The following DAPK1 variants were observed in gnomAD, a reference collection of about 807,000 sequenced individuals.
DAPK1 encodes death associated protein kinase 1, also known as death-associated protein kinase 1.
A neutral mutation model predicts 144.9 loss-of-function variants in DAPK1; 56 were observed. The observed-to-expected ratio is 0.39, with a 90% CI of 0.31 to 0.48. DAPK1 has a LOEUF of 0.48. Among genes scored for constraint, DAPK1 ranks in the 20% least tolerant of loss-of-function variants. The pLI is 0.95. For missense variants in DAPK1, 1,454 were observed against 1,875.4 expected (o/e 0.78, Z 4.15); for synonymous variants, 690 against 749.0 (o/e 0.92, Z 1.29).
chr9:87,585,783 CT>C (rs1237968660), intron 2 of DAPK1, among the ~76,000 whole-genome samples: 2 of 152,200 alleles, frequency 1.3e-5, no homozygotes, highest in Non-Finnish European at 2.9e-5. Context: ...CCATCGAGCA[CT>C]TGAAGTAGGG....
intron 2 of DAPK1, among the ~76,000 whole-genome samples, chr9:87,531,259 G>A (rs1190540737): frequency 6.6e-6 from 1 of 152,140 alleles, no homozygotes; most frequent in Non-Finnish European, 1.5e-5. Flanking sequence ...ATCCATACCC[G>A]ATGTTCACTG....
chr9:87,640,189 T>A (rs977574929), intron 7 of DAPK1, 109 bp from the exon 8 acceptor site: 42 of 1,114,846 alleles, frequency 3.8e-5, no homozygotes, highest in Non-Finnish European at 5.3e-5. Flanking sequence ...ACTGTGACTA[T>A]TCGAGCACCA....
At chr9:87,577,281 ACT>A (rs1434168153) in intron 2 of DAPK1, among the ~76,000 whole-genome samples, 1 of 151,974 alleles carries the variant, frequency 6.6e-6, no homozygotes, top group African/African-American at 2.4e-5. Context: ...GGAATTGGAA[ACT>A]CGGGGTGGGG....
At chr9:87,678,031 A>G (rs765206849) in intron 19 of DAPK1, among the ~76,000 whole-genome samples, 1 of 152,184 alleles carries the variant, frequency 6.6e-6, no homozygotes, top group Non-Finnish European at 1.5e-5. Context: ...AGTCAGGGAC[A>G]TTGCTATCAA....
In DAPK1 at chr9:87,559,090, C is replaced by T. The variant is rs958563457; in HGVS notation, c.63-45864C>T. ...CCCCAACAAAATGACAGTTGGCATT[C>T]GTAGAGCCTGTACTCTGAGACGGGG... On this transcript the variant is annotated intron_variant, in intron 2 of 25. Transcript: ENST00000408954. Among the ~76,000 whole-genome samples the T allele has an allele frequency of 5.3e-5, 8 of 152,182 alleles. 1 individual carries two copies. The highest frequency in any genetic ancestry group is 2.6e-4 in the Admixed American group (4 of 15,276).
chr9:87,690,973 T>A (rs1825034907), intron 21 of DAPK1, among the ~76,000 whole-genome samples: 2 of 152,084 alleles, frequency 1.3e-5, no homozygotes, highest in Admixed American at 1.3e-4. Context: ...CCTATAATGA[T>A]GATGATGTTG....
chr9:87,645,767 TG>T, intron 11 of DAPK1, 127 bp from the exon 12 acceptor site: 1 of 1,198,016 alleles, frequency 8.3e-7, no homozygotes. Flanking sequence ...TGTATGGATT[TG>T]GGGAGTAAAT....
rs745575126 is a variant in DAPK1, at chr9:87,698,735, G to A, written c.2691G>A (p.Pro897=). The A allele has an allele frequency of 5.0e-6, 8 of 1,603,240 alleles. No homozygotes were observed. The highest frequency in any genetic ancestry group is 4.0e-5 in the African/African-American group (3 of 74,730). The change falls in exon 23 of 26, where the codon CCG becomes CCA. Residue 897 remains proline (P), a synonymous_variant. Transcript: ENST00000408954. ...CTGACATCATGAATGTTCCTCGACC[G>A]GCTGGAGGCGAGTTTGGATATGACA... ...THADIMNVPR[P]AGGEFGYDKD...
chr9:87,557,988 T>C (rs555640464), intron 2 of DAPK1, among the ~76,000 whole-genome samples: 1 of 152,294 alleles, frequency 6.6e-6, no homozygotes, highest in South Asian at 2.1e-4. Flanking sequence ...GCCAGGCGTG[T>C]CTCTTGTTGG....
In DAPK1 at chr9:87,639,419, G is replaced by A. The variant is rs1025399362; in HGVS notation, c.489G>A (p.Gly163=). 4.3e-6 allele frequency: 7 copies of A among 1,613,172 alleles called. No homozygotes were observed. The highest frequency in any genetic ancestry group is 2.2e-5 in the East Asian group (1 of 44,850). The change falls in exon 5 of 26, where the codon GGG becomes GGA. Residue 163 remains glycine (G), a synonymous_variant. Transcript: ENST00000408954. ...PKPRIKIIDF[G]LAHKIDFGNE... is the part of the protein sequence containing the mutation. ...CTCGGATCAAGATCATTGACTTTGG[G>A]TTGGCCCATAAAATTGACTTTGGAA...
intron 2 of DAPK1, among the ~76,000 whole-genome samples, chr9:87,589,960 T>G (rs1213041283): frequency 4.6e-5 from 7 of 152,222 alleles, no homozygotes; most frequent in Non-Finnish European, 8.8e-5. Flanking sequence ...AAAACACTTT[T>G]AAAATCTATA....
chr9:87,657,899 G>T, intron 17 of DAPK1, 130 bp from the exon 18 acceptor site: 7 of 695,068 alleles, frequency 1.0e-5, no homozygotes, highest in Non-Finnish European at 1.6e-5. Flanking sequence ...GCAAGTTTCA[G>T]GAGAAGGGAG....
chr9:87,701,895 G>A (rs1825468742), intron 24 of DAPK1: 3 of 470,252 alleles, frequency 6.4e-6, no homozygotes, highest in Non-Finnish European at 1.3e-5. Flanking sequence ...ATCATCAGAA[G>A]ATAGGGGGTA....
chr9:87,663,914 G>A (rs556085360), intron 18 of DAPK1, among the ~76,000 whole-genome samples: 124 of 152,002 alleles, frequency 8.2e-4, no homozygotes, highest in African/African-American at 2.8e-3. Context: ...GCATCTAGCC[G>A]GCAGCCTACT....
At chr9:87,574,019 C>T (rs1391317094) in intron 2 of DAPK1, among the ~76,000 whole-genome samples, 1 of 152,160 alleles carries the variant, frequency 6.6e-6, no homozygotes, top group African/African-American at 2.4e-5. Flanking sequence ...TTTTATTATG[C>T]CACTGTGCTA....
At chr9:87,518,727 C>T (rs767966864) in intron 2 of DAPK1, among the ~76,000 whole-genome samples, 1 of 152,032 alleles carries the variant, frequency 6.6e-6, no homozygotes, top group Non-Finnish European at 1.5e-5. Flanking sequence ...AGCGTAGAAC[C>T]GTATGTACAA....
In DAPK1 at chr9:87,638,065, C is replaced by T; in HGVS notation, c.407C>T (p.Ala136Val). ...GVYYLHSLQI[A>V]HFDLKPENIM... ...TACTACCTGCACTCCCTTCAAATCG[C>T]CCACTTTGATCTTAAGGTACGTTTC... Residue 136 changes from alanine to valine, a missense_variant, in exon 4 of 26, where the codon GCC becomes GTC. Physicochemically the swap from Ala to Val is moderately conservative, Grantham distance 64. Around this residue, in one of 2 missense-constraint regions of DAPK1, gnomAD observed 429 missense variants for 637.5 expected, o/e 0.67. Coordinates refer to ENST00000408954, the MANE Select transcript of DAPK1 (RefSeq NM_004938.4). The T allele has an allele frequency of 6.2e-7, 1 of 1,612,242 alleles. No individual in the cohort carries two copies. Among genetic ancestry groups the T allele is most frequent in the Non-Finnish European group, 8.5e-7 (1 of 1,178,526 alleles).
At chr9:87,666,079 C>G (rs1160343578) in intron 18 of DAPK1, among the ~76,000 whole-genome samples, 1 of 152,228 alleles carries the variant, frequency 6.6e-6, no homozygotes, top group Non-Finnish European at 1.5e-5. Flanking sequence ...CTTTCCCTCT[C>G]AGACAGAAGG....
chr9:87,607,622 A>G (rs867526760), intron 3 of DAPK1, among the ~76,000 whole-genome samples: 4 of 152,130 alleles, frequency 2.6e-5, no homozygotes, highest in Middle Eastern at 3.2e-3. Flanking sequence ...TTTTATTTAT[A>G]ATACAGCAAA....
Sources: allele counts gnomAD v4.1 joint callset (sites outside exome capture counted in the v4.1 genomes callset), GRCh38; gene constraint gnomAD v4.1.1; regional missense constraint gnomAD v4.1.1; transcripts MANE v1.5; gene names NCBI Gene and HGNC (gene_info 2026-07-23, HGNC 2026-07-21).